Variants in PDE3B observed in about 807,000 individuals in gnomAD.
PDE3B encodes the protein phosphodiesterase 3B.
A neutral mutation model predicts 116.8 loss-of-function variants in PDE3B; 66 were observed. The observed-to-expected ratio is 0.56, with a 90% CI of 0.46 to 0.69. The LOEUF is 0.69. PDE3B is among the 30% of genes least tolerant of loss of function. PDE3B has a pLI of 0.00. For missense variants in PDE3B, 1,384 were observed against 1,368.1 expected, an observed-to-expected ratio of 1.01 and a Z score of -0.18; for synonymous variants, 595 against 533.6, an observed-to-expected ratio of 1.12 and a Z score of -1.59.
At chr11:14,764,579 T>A (rs1281112880) in intron 1 of PDE3B, among the ~76,000 whole-genome samples, 1 of 152,112 alleles carries the variant, frequency 6.6e-6, no homozygotes, top group East Asian at 1.9e-4. Flanking sequence ...TAATGGTTGG[T>A]CCTTAAAGCT....
At chr11:14,878,598 G>A in the PDE3B span, among the ~76,000 whole-genome samples, 1 of 152,110 alleles carries the variant, frequency 6.6e-6, no homozygotes, top group Non-Finnish European at 1.5e-5. Context: ...AATTTGAGGT[G>A]AGACATTTTG....
chr11:14,891,490 G>T, the PDE3B span: 1 of 993,012 alleles, frequency 1.0e-6, no homozygotes, highest in Non-Finnish European at 1.2e-6. Context: ...CACAGCAAAC[G>T]CCTACACCAG....
chr11:14,760,437 C>G (rs1857328109), intron 1 of PDE3B, among the ~76,000 whole-genome samples: 1 of 152,138 alleles, frequency 6.6e-6, no homozygotes, highest in Non-Finnish European at 1.5e-5. Flanking sequence ...CTCCTGGAGA[C>G]TGAAGGTGCA....
chr11:14,755,905 C>G (rs1256750199), intron 1 of PDE3B, among the ~76,000 whole-genome samples: 1 of 152,082 alleles, frequency 6.6e-6, no homozygotes, highest in East Asian at 1.9e-4. Flanking sequence ...GAGCTCATAC[C>G]TATCAAACAC....
chr11:14,679,710 G>A (rs1016065118), intron 1 of PDE3B, among the ~76,000 whole-genome samples: 12 of 151,552 alleles, frequency 7.9e-5, no homozygotes, highest in African/African-American at 2.9e-4. Flanking sequence ...AGCTCAGGGC[G>A]AACTCACATG....
chr11:14,773,205 T>C (rs1857694343), intron 2 of PDE3B: 1 of 152,110 alleles, frequency 6.6e-6, no homozygotes, highest in Non-Finnish European at 1.5e-5. Context: ...TTTTTCTGCA[T>C]CTATTCAAAT....
intron 1 of PDE3B, among the ~76,000 whole-genome samples, chr11:14,704,989 A>G (rs1855486801): frequency 6.6e-6 from 1 of 151,778 alleles, no homozygotes; most frequent in Non-Finnish European, 1.5e-5. Context: ...TATTGGATAT[A>G]TAAAGAACTC....
intron 1 of PDE3B, among the ~76,000 whole-genome samples, chr11:14,647,250 A>G (rs58424293): frequency 0.082 from 12,410 of 152,050 alleles, 534 homozygotes; most frequent in Middle Eastern, 0.13. Flanking sequence ...AGATGAAAAG[A>G]TTTTAGATGG....
At chr11:14,724,777 A>T (rs1856232512) in intron 1 of PDE3B, among the ~76,000 whole-genome samples, 1 of 152,226 alleles carries the variant, frequency 6.6e-6, no homozygotes, top group African/African-American at 2.4e-5. Flanking sequence ...AAGAAGGCCT[A>T]GAAGTTGAGG....
chr11:14,664,839 C>A (rs1282751264), intron 1 of PDE3B, among the ~76,000 whole-genome samples: 2 of 152,154 alleles, frequency 1.3e-5, no homozygotes, highest in Non-Finnish European at 2.9e-5. Flanking sequence ...ACCAGAGGTA[C>A]AAGGAGGAGC....
chr11:14,671,717 A>G (rs1394526297), intron 1 of PDE3B, among the ~76,000 whole-genome samples: 1 of 152,018 alleles, frequency 6.6e-6, no homozygotes, highest in African/African-American at 2.4e-5. Flanking sequence ...TTATCCCTGG[A>G]TAGAATGTCC....
At chr11:14,749,872 ATT>A (rs1857008637) in intron 1 of PDE3B, among the ~76,000 whole-genome samples, 1 of 133,428 alleles carries the variant, frequency 7.5e-6, no homozygotes, top group African/African-American at 2.8e-5. Context: ...AAATTTATAT[ATT>A]TATAGATTTA....
chr11:14,885,539 C>T, the PDE3B span, among the ~76,000 whole-genome samples: 1 of 152,114 alleles, frequency 6.6e-6, no homozygotes. Flanking sequence ...GGTGTTGATT[C>T]TTTAAAACAT....
At chr11:14,798,190 A>T (rs369313019) in intron 4 of PDE3B, among the ~76,000 whole-genome samples, 1 of 152,206 alleles carries the variant, frequency 6.6e-6, no homozygotes, top group Non-Finnish European at 1.5e-5. Flanking sequence ...TGAGATAATC[A>T]TGCGGTTTTT....
chr11:14,826,870 A>T (rs184318518), intron 7 of PDE3B, among the ~76,000 whole-genome samples: 2 of 152,318 alleles, frequency 1.3e-5, no homozygotes, highest in Admixed American at 1.3e-4. Flanking sequence ...CAAGAAAAAA[A>T]CAAAACCTCA....
At chr11:14,729,931 CG>C (rs1199911971) in intron 1 of PDE3B, among the ~76,000 whole-genome samples, 1 of 151,798 alleles carries the variant, frequency 6.6e-6, no homozygotes, top group East Asian at 1.9e-4. Flanking sequence ...AAAATTGAAA[CG>C]TTACTGAGAA....
the PDE3B span, among the ~76,000 whole-genome samples, chr11:14,896,582 AT>A: frequency 3.2e-3 from 487 of 152,346 alleles, 2 homozygotes; most frequent in Middle Eastern, 0.01. Context: ...ACAAGTGTGC[AT>A]AACATAGGAA....
chr11:14,686,321 G>C (rs963177806), intron 1 of PDE3B, among the ~76,000 whole-genome samples: 10 of 152,084 alleles, frequency 6.6e-5, no homozygotes, highest in African/African-American at 2.4e-4. Flanking sequence ...ATCCTTAAAG[G>C]ATAGTTGATT....
At chr11:14,685,219 A>C (rs1311765225) in intron 1 of PDE3B, among the ~76,000 whole-genome samples, 1 of 152,038 alleles carries the variant, frequency 6.6e-6, no homozygotes, top group Non-Finnish European at 1.5e-5. Flanking sequence ...ATTAAAATGA[A>C]ATCTTCACAA....
Sources: allele counts gnomAD v4.1 joint callset (sites outside exome capture counted in the v4.1 genomes callset), GRCh38; gene constraint gnomAD v4.1.1; transcripts MANE v1.5; gene names NCBI Gene and HGNC (gene_info 2026-07-23, HGNC 2026-07-21).